Variants in DACH2 observed in about 807,000 individuals in gnomAD.
DACH2 encodes the protein dachshund family transcription factor 2, also known as dachshund homolog 2.
In DACH2, 17 loss-of-function variants were observed where a neutral mutation model predicts 35.8. The observed-to-expected ratio is 0.48, with a 90% CI of 0.33 to 0.71. DACH2 has a LOEUF of 0.71. Ranked by LOEUF, DACH2 falls within the 30% of genes least tolerant of loss-of-function variation. The probability of loss-of-function intolerance (pLI) is 0.02; values close to 1 mark genes in which losing one functional copy is unlikely to be tolerated. For synonymous variants in DACH2, 195 were observed against 177.3 expected (o/e 1.10, Z -0.79); for missense variants, 469 against 472.7 (o/e 0.99, Z 0.07).
At chrX:86,766,870 TCA>T in intron 7 of DACH2, among the ~76,000 whole-genome samples, 1 of 111,495 alleles carries the variant, frequency 9.0e-6, no homozygotes, top group East Asian at 2.8e-4. Context: ...CTAGTGGCAT[TCA>T]CAGAGTCTTA....
chrX:86,293,463 A>G (rs1281225948), intron 1 of DACH2, among the ~76,000 whole-genome samples: 1 of 106,938 alleles, frequency 9.4e-6, no homozygotes, highest in African/African-American at 3.4e-5. Flanking sequence ...TGATCCTGTC[A>G]TTATGATGTT....
intron 7 of DACH2, among the ~76,000 whole-genome samples, chrX:86,748,182 C>A (rs1443232346): frequency 8.9e-6 from 1 of 112,108 alleles, no homozygotes; most frequent in Non-Finnish European, 1.9e-5. Flanking sequence ...TCAAAGTCAT[C>A]CACAAGGGTT....
chrX:86,481,765 T>C (rs1440645912), intron 2 of DACH2: 1 of 112,190 alleles, frequency 8.9e-6, no homozygotes, highest in African/African-American at 3.2e-5. Context: ...ATCATGTACA[T>C]TCCTAACTAT....
chrX:86,473,211 A>G (rs1225604198), intron 2 of DACH2, among the ~76,000 whole-genome samples: 1 of 111,220 alleles, frequency 9.0e-6, no homozygotes, highest in East Asian at 2.8e-4. Context: ...TAAATTATTT[A>G]AAAACATATT....
intron 4 of DACH2, among the ~76,000 whole-genome samples, chrX:86,668,651 A>G (rs1292984835): frequency 8.9e-6 from 1 of 111,973 alleles, no homozygotes; most frequent in Non-Finnish European, 1.9e-5. Context: ...ATCCTCCTAA[A>G]TCTATATCAT....
intron 2 of DACH2, among the ~76,000 whole-genome samples, chrX:86,413,462 G>C (rs1181692988): frequency 9.0e-6 from 1 of 111,615 alleles, no homozygotes; most frequent in Non-Finnish European, 1.9e-5. Context: ...TGGTACAGCA[G>C]CTACAATTGG....
chrX:86,371,013 T>C (rs1004779854), intron 1 of DACH2, among the ~76,000 whole-genome samples: 4 of 111,403 alleles, frequency 3.6e-5, no homozygotes, highest in Non-Finnish European at 5.7e-5. Flanking sequence ...GTAATCCTAT[T>C]TTTGATATTC....
intron 6 of DACH2, among the ~76,000 whole-genome samples, chrX:86,727,247 C>T (rs1276033445): frequency 9.0e-6 from 1 of 111,409 alleles, no homozygotes; most frequent in African/African-American, 3.3e-5. Context: ...TTCCCAAAAC[C>T]TCTTTGTTGT....
intron 2 of DACH2, among the ~76,000 whole-genome samples, chrX:86,462,707 A>G (rs1281068801): frequency 9.0e-6 from 1 of 111,637 alleles, no homozygotes; most frequent in African/African-American, 3.2e-5. Context: ...GTAATGGTAC[A>G]ACAAAACCAT....
intron 3 of DACH2, among the ~76,000 whole-genome samples, chrX:86,626,380 A>G (rs777434108): frequency 5.3e-5 from 6 of 112,304 alleles, no homozygotes; most frequent in South Asian, 7.4e-4. Context: ...GGCTACTTTC[A>G]TGGGCTGGTG....
chrX:86,442,906 G>C (rs1388705046), intron 2 of DACH2, among the ~76,000 whole-genome samples: 2 of 111,243 alleles, frequency 1.8e-5, no homozygotes. Flanking sequence ...TTTATTTTTG[G>C]GCTATCTTTT....
intron 3 of DACH2, among the ~76,000 whole-genome samples, chrX:86,535,794 G>T (rs751503626): frequency 1.8e-4 from 20 of 111,064 alleles, no homozygotes; most frequent in Non-Finnish European, 3.8e-4. Flanking sequence ...GGTAGCCAGT[G>T]TTAGATTTTT....
chrX:86,238,322 G>A (rs918870080), intron 1 of DACH2, among the ~76,000 whole-genome samples: 50 of 111,565 alleles, frequency 4.5e-4, no homozygotes, highest in African/African-American at 1.6e-3. Context: ...CATTGTTCTT[G>A]ATTTTGTTTT....
intron 7 of DACH2, among the ~76,000 whole-genome samples, chrX:86,740,428 C>G (rs1029113265): frequency 5.6e-5 from 6 of 106,381 alleles, no homozygotes; most frequent in Non-Finnish European, 1.2e-4. Flanking sequence ...ATGTATACAT[C>G]TGCCATGCTG....
intron 1 of DACH2, among the ~76,000 whole-genome samples, chrX:86,241,185 G>C (rs963827260): frequency 1.8e-5 from 2 of 111,935 alleles, no homozygotes; most frequent in Non-Finnish European, 3.8e-5. Flanking sequence ...ATGTGGGAAA[G>C]TTTTGAACTT....
intron 3 of DACH2, among the ~76,000 whole-genome samples, chrX:86,612,425 A>G (rs954079706): frequency 1.8e-5 from 2 of 110,710 alleles, no homozygotes; most frequent in Non-Finnish European, 3.8e-5. Flanking sequence ...CTACATAAGA[A>G]TTTCAGTCCT....
At chrX:86,572,641 T>C (rs986150069) in intron 3 of DACH2, among the ~76,000 whole-genome samples, 1 of 111,621 alleles carries the variant, frequency 9.0e-6, no homozygotes, top group African/African-American at 3.3e-5. Flanking sequence ...AGATATTGAG[T>C]ATGATGTTGG....
chrX:86,719,943 C>CTTTTTTTTTTTTTTTTTTTT (rs35089560), intron 6 of DACH2, among the ~76,000 whole-genome samples: 1 of 63,591 alleles, frequency 1.6e-5, no homozygotes, highest in Admixed American at 1.8e-4. Flanking sequence ...TTTTTTTTTT[C>CTTTTTTTTTTTTTTTTTTTT]TTTTTTTTTT....
chrX:86,648,829 A>G, intron 3 of DACH2, among the ~76,000 whole-genome samples: 1 of 111,313 alleles, frequency 9.0e-6, no homozygotes, highest in South Asian at 3.7e-4. Context: ...CCATGAGGCA[A>G]TACAAAATAT....
Sources: gnomAD v4.1 joint callset for allele counts (sites outside exome capture counted in the v4.1 genomes callset) on GRCh38, gnomAD v4.1.1 for gene constraint, MANE v1.5 for transcripts, NCBI Gene and HGNC (gene_info 2026-07-23, HGNC 2026-07-21) for gene names.